The following MYO1E variants were observed in gnomAD, a reference collection of about 807,000 sequenced individuals.
MYO1E encodes myosin IE, also known as unconventional myosin-Ie.
A neutral mutation model predicts 151.1 loss-of-function variants in MYO1E; 68 were observed. The observed-to-expected ratio is 0.45, with a 90% CI of 0.37 to 0.55. The LOEUF (loss-of-function observed/expected upper bound fraction) is 0.55. Ranked by LOEUF, MYO1E falls within the 20% of genes least tolerant of loss-of-function variation. The pLI, the probability that MYO1E is intolerant of heterozygous loss-of-function variation, is 0.00. For missense variants in MYO1E, 1,363 were observed against 1,389.3 expected, an observed-to-expected ratio of 0.98 and a Z score of 0.30; for synonymous variants, 601 against 501.7, an observed-to-expected ratio of 1.20 and a Z score of -2.64.
chr15:59,150,781 C>T (rs955347123), intron 26 of MYO1E, among the ~76,000 whole-genome samples: 5 of 152,166 alleles, frequency 3.3e-5, no homozygotes, highest in African/African-American at 1.2e-4. Flanking sequence ...TGGATCAGAG[C>T]ATCACCTGGG....
chr15:59,278,573 A>G (rs75077355), intron 1 of MYO1E, among the ~76,000 whole-genome samples: 4,254 of 152,306 alleles, frequency 0.028, 92 homozygotes, highest in Non-Finnish European at 0.047. Flanking sequence ...TGGTCTACAA[A>G]CCAGCATTGG....
intron 4 of MYO1E, among the ~76,000 whole-genome samples, chr15:59,255,635 C>A (rs564666291): frequency 2.4e-4 from 36 of 152,216 alleles, no homozygotes; most frequent in Non-Finnish European, 4.9e-4. Flanking sequence ...CTGGGCCACA[C>A]TGGAAGAAGA....
intron 8 of MYO1E, among the ~76,000 whole-genome samples, chr15:59,223,722 G>A (rs34571374): frequency 0.012 from 1,796 of 152,282 alleles, 16 homozygotes; most frequent in East Asian, 0.033. Flanking sequence ...AAAATCTCCA[G>A]GAAATCCAAT....
chr15:59,182,116 A>G (rs1171903389), intron 18 of MYO1E, among the ~76,000 whole-genome samples: 1 of 152,230 alleles, frequency 6.6e-6, no homozygotes, highest in Non-Finnish European at 1.5e-5. Context: ...GACTGCTTCA[A>G]TAACAGTTTT....
intron 19 of MYO1E, among the ~76,000 whole-genome samples, chr15:59,176,631 T>C (rs1216550195): frequency 6.6e-6 from 1 of 152,004 alleles, no homozygotes. Flanking sequence ...CCAGCTAATT[T>C]TAAATTTTTT....
At position 59,350,821 on chromosome 15, in the gene MYO1E, C is replaced by T. The variant is rs1485346033; in HGVS notation, c.3+21677G>A. 3.3e-5 allele frequency among the ~76,000 whole-genome samples: 5 copies of T among 152,178 alleles called. No homozygotes were observed. The highest frequency in any genetic ancestry group is 1.2e-4 in the African/African-American group (5 of 41,458). On this transcript the variant is annotated intron_variant, in intron 1 of 27. Coordinates refer to ENST00000288235, the MANE Select transcript of MYO1E (RefSeq NM_004998.4). This position sits in a 1 kb window ranked among gnomAD's most constrained non-coding sequence, Gnocchi z 5.0. ...ACAATTTGGAGAAGGGAATGATCTC[C>T]ACGAGTTAAATCAGAGGCTTCCAGG...
chr15:59,370,002 G>T (rs1245499036), intron 1 of MYO1E, among the ~76,000 whole-genome samples: 1 of 151,696 alleles, frequency 6.6e-6, no homozygotes, highest in Non-Finnish European at 1.5e-5. Context: ...ACTGAAACAG[G>T]GTCTCACTAT....
intron 4 of MYO1E, among the ~76,000 whole-genome samples, chr15:59,253,521 C>T (rs1415398967): frequency 7.8e-6 from 1 of 128,200 alleles, no homozygotes; most frequent in Non-Finnish European, 1.6e-5. Flanking sequence ...CTCACTCTGT[C>T]GCCAGGCTTG....
chr15:59,371,834 G>A (rs2080946870), intron 1 of MYO1E, among the ~76,000 whole-genome samples: 1 of 151,384 alleles, frequency 6.6e-6, no homozygotes, highest in African/African-American at 2.4e-5. Flanking sequence ...GGGCGGCGTG[G>A]TTGCCGCCCG....
intron 1 of MYO1E, among the ~76,000 whole-genome samples, chr15:59,341,054 A>G (rs2080762530): frequency 1.3e-5 from 2 of 152,070 alleles, no homozygotes; most frequent in South Asian, 4.1e-4. Flanking sequence ...GAAAAAAAGA[A>G]AAATCTTCAA....
intron 6 of MYO1E, 151 bp downstream of exon 6, chr15:59,231,551 C>T (rs867702931): frequency 3.6e-6 from 3 of 835,648 alleles, no homozygotes; most frequent in African/African-American, 3.4e-5. Flanking sequence ...AGCTTGGCGG[C>T]ATGCTGCTAT....
At chr15:59,166,676 G>A (rs2079564282) in intron 22 of MYO1E, among the ~76,000 whole-genome samples, 1 of 152,020 alleles carries the variant, frequency 6.6e-6, no homozygotes, top group Non-Finnish European at 1.5e-5. Flanking sequence ...AGATACGGAG[G>A]CGAATCAAGA....
intron 22 of MYO1E, among the ~76,000 whole-genome samples, chr15:59,166,107 A>C (rs1320148786): frequency 1.3e-5 from 2 of 152,234 alleles, no homozygotes; most frequent in Non-Finnish European, 2.9e-5. Context: ...TCTAGAAATG[A>C]GAAGAGATGT....
chr15:59,233,413 C>T lies in MYO1E; in HGVS notation c.421-1622G>A, dbSNP rs1276057602. 2.0e-5 allele frequency among the ~76,000 whole-genome samples: 3 copies of T among 152,142 alleles called. No individual in the cohort carries two copies. The East Asian group carries it at 5.8e-4, about 29-fold the overall frequency. ...GGGCGCGGTGGCTCACGCCTGTAAT[C>T]CCAGCACTTTGGGAAGCCAAGGCGG... On this transcript the variant is annotated intron_variant, in intron 5 of 27. Coordinates refer to ENST00000288235, the MANE Select transcript of MYO1E (RefSeq NM_004998.4).
intron 16 of MYO1E, among the ~76,000 whole-genome samples, chr15:59,196,873 C>T (rs937523222): frequency 2.0e-5 from 3 of 151,734 alleles, no homozygotes; most frequent in East Asian, 1.9e-4. Context: ...CAGGTGGAGC[C>T]GGAGAGGGAC....
At chr15:59,195,054 C>T (rs909982208) in intron 17 of MYO1E, among the ~76,000 whole-genome samples, 8 of 151,974 alleles carry the variant, frequency 5.3e-5, no homozygotes, top group East Asian at 1.9e-4. Context: ...TCAGCTCTTA[C>T]GCCCTCCACT....
chr15:59,241,700 T>C (rs887200809), intron 4 of MYO1E, among the ~76,000 whole-genome samples: 2 of 151,816 alleles, frequency 1.3e-5, no homozygotes, highest in Admixed American at 6.6e-5. Context: ...CAAGACTCCA[T>C]CTCAAAAATA....
chr15:59,337,217 G>A (rs1436740985), intron 1 of MYO1E, among the ~76,000 whole-genome samples: 1 of 152,136 alleles, frequency 6.6e-6, no homozygotes, highest in African/African-American at 2.4e-5. Flanking sequence ...ACAAGAGCCA[G>A]GATTCAAACC....
At chr15:59,276,815 G>A (rs566809773) in intron 1 of MYO1E, among the ~76,000 whole-genome samples, 2 of 152,304 alleles carry the variant, frequency 1.3e-5, no homozygotes, top group East Asian at 3.9e-4. Flanking sequence ...TTACCAGGGT[G>A]GGGACCAGGA....
Sources: allele counts gnomAD v4.1 joint callset (sites outside exome capture counted in the v4.1 genomes callset), GRCh38; gene constraint gnomAD v4.1.1; non-coding constraint Gnocchi (gnomAD v3.1); transcripts MANE v1.5; gene names NCBI Gene and HGNC (gene_info 2026-07-23, HGNC 2026-07-21).